Variants in ITPR2 observed in about 807,000 individuals in gnomAD.
The protein encoded by ITPR2 is inositol 1,4,5-trisphosphate-gated calcium channel ITPR2.
ITPR2 carries 207 observed loss-of-function variants against 317.1 expected under a neutral mutation model. The observed-to-expected ratio is 0.65, with a 90% CI of 0.58 to 0.73. ITPR2 has a LOEUF of 0.73. Among genes scored for constraint, ITPR2 ranks in the 30% least tolerant of loss-of-function variants. The pLI is 0.00. For synonymous variants in ITPR2, 1,156 were observed against 1,149.1 expected, an observed-to-expected ratio of 1.01 and a Z score of -0.12; for missense variants, 2,613 against 3,284.0, an observed-to-expected ratio of 0.80 and a Z score of 4.99.
At chr12:26,670,017 G>T (rs1040624923) in intron 13 of ITPR2, among the ~76,000 whole-genome samples, 14 of 152,358 alleles carry the variant, frequency 9.2e-5, no homozygotes, top group South Asian at 4.1e-4. Flanking sequence ...CCATTGCCCA[G>T]GCTTGCTTAG....
intron 37 of ITPR2, among the ~76,000 whole-genome samples, chr12:26,497,155 C>CTTT (rs573079284): frequency 1.9e-4 from 26 of 134,420 alleles, no homozygotes; most frequent in South Asian, 9.7e-4. Context: ...ATTTCTCTCT[C>CTTT]TTTTTTTTTT....
At chr12:26,693,410 A>G (rs1274934675) in intron 10 of ITPR2, among the ~76,000 whole-genome samples, 2 of 152,202 alleles carry the variant, frequency 1.3e-5, no homozygotes, top group African/African-American at 4.8e-5. Context: ...TAGAACCTCC[A>G]TACCCTATGT....
intron 55 of ITPR2, among the ~76,000 whole-genome samples, chr12:26,351,853 C>T (rs1938493881): frequency 6.6e-6 from 1 of 152,202 alleles, no homozygotes; most frequent in Non-Finnish European, 1.5e-5. Flanking sequence ...TCTGAGTTAT[C>T]ATCTCCTGTC....
chr12:26,404,145 A>G (rs539910098), intron 52 of ITPR2, among the ~76,000 whole-genome samples: 1 of 152,326 alleles, frequency 6.6e-6, no homozygotes, highest in African/African-American at 2.4e-5. Context: ...ATGAGCCTCA[A>G]CCAGGGTAAT....
At chr12:26,406,559 T>C (rs1298183049) in intron 52 of ITPR2, 1 of 150,238 alleles carries the variant, frequency 6.7e-6, no homozygotes, top group African/African-American at 2.4e-5. Flanking sequence ...CTCTGCCTCC[T>C]AGTCACCGTG....
chr12:26,523,917 G>A (rs747590947), intron 37 of ITPR2, among the ~76,000 whole-genome samples: 14 of 152,204 alleles, frequency 9.2e-5, no homozygotes, highest in South Asian at 2.1e-4. Context: ...TGGCAGAGCC[G>A]CCTCAGTGGC....
chr12:26,526,669 G>A (rs1943815708), intron 37 of ITPR2, among the ~76,000 whole-genome samples: 1 of 152,178 alleles, frequency 6.6e-6, no homozygotes, highest in African/African-American at 2.4e-5. Flanking sequence ...TGAAAGCAGG[G>A]AGAAGAGTTA....
intron 2 of ITPR2, among the ~76,000 whole-genome samples, chr12:26,728,853 CACTAAGATGAAGAGATG>C (rs1321967505): frequency 2.0e-5 from 3 of 152,180 alleles, no homozygotes; most frequent in African/African-American, 7.2e-5. Flanking sequence ...GCAATAGCCT[CACTAAGATGAAGAGATG>C]ACTAAATCCT....
chr12:26,515,946 C>CA (rs34382778), intron 37 of ITPR2, among the ~76,000 whole-genome samples: 37,300 of 140,788 alleles, frequency 0.26, 5,006 homozygotes, highest in Non-Finnish European at 0.3. Context: ...TCCATCTCTA[C>CA]AAAAAAAAAA....
intron 37 of ITPR2, among the ~76,000 whole-genome samples, chr12:26,502,160 C>A (rs1460223938): frequency 6.6e-6 from 1 of 152,134 alleles, no homozygotes; most frequent in Non-Finnish European, 1.5e-5. Context: ...TATTTGAATT[C>A]CAGGAAGCAT....
At position 26,476,991 on chromosome 12, in the gene ITPR2, AG is replaced by A. The variant is rs1213359576; in HGVS notation, c.6139del (p.Leu2047PhefsTer22). ...TCTGCTTTCCATAATGGCCAGCAAA[AG>A]TTTAGATGCATTGTTCTAGAGACAC... ...VLQLKNNASKLLLAIMESRHD... is the reference protein window; with the variant it reads ...VLQLKNNASKXLLAIMESRHD... On this transcript the variant is annotated frameshift_variant, in exon 44 of 57. Transcript: ENST00000381340. LOFTEE classifies it high-confidence loss of function. 1 of 1,611,168 alleles carries A rather than the reference AG, an allele frequency of 6.2e-7. No homozygotes were observed. Among genetic ancestry groups the A allele is most frequent in the Non-Finnish European group, 8.5e-7 (1 of 1,177,542 alleles).
intron 2 of ITPR2, among the ~76,000 whole-genome samples, chr12:26,755,660 G>A (rs1180453753): frequency 1.3e-5 from 2 of 152,190 alleles, no homozygotes; most frequent in Non-Finnish European, 2.9e-5. Context: ...ATAGTTACTT[G>A]CATAAGTGCA....
chr12:26,757,458 C>T (rs530097424), intron 2 of ITPR2, among the ~76,000 whole-genome samples: 32 of 152,234 alleles, frequency 2.1e-4, no homozygotes, highest in African/African-American at 6.3e-4. Flanking sequence ...TCAGGGGATC[C>T]GCCCTCCTTG....
intron 49 of ITPR2, among the ~76,000 whole-genome samples, chr12:26,426,811 C>T (rs1201524531): frequency 6.6e-6 from 1 of 150,892 alleles, no homozygotes; most frequent in Non-Finnish European, 1.5e-5. Context: ...TTTATTAATT[C>T]ATTTTAATAA....
intron 39 of ITPR2, among the ~76,000 whole-genome samples, chr12:26,490,278 A>G (rs932993387): frequency 2.2e-4 from 33 of 152,232 alleles, no homozygotes; most frequent in Admixed American, 2.0e-3. Context: ...AAACAAGTGC[A>G]TGGAAGCTGA....
At chr12:26,688,611 C>G (rs561946971) in intron 10 of ITPR2, among the ~76,000 whole-genome samples, 1 of 151,992 alleles carries the variant, frequency 6.6e-6, no homozygotes, top group African/African-American at 2.4e-5. Flanking sequence ...GAATAGAGAA[C>G]AAGAGGGGAG....
intron 5 of ITPR2, among the ~76,000 whole-genome samples, chr12:26,717,785 A>C (rs1446434755): frequency 1.3e-5 from 2 of 152,224 alleles, no homozygotes; most frequent in Non-Finnish European, 2.9e-5. Flanking sequence ...TTTTCACAAT[A>C]TATCTTTACA....
rs573619492 is a variant in ITPR2 at position 26,424,868 on chromosome 12, T to C, written c.6945+3045A>G. 9.5e-4 allele frequency among the ~76,000 whole-genome samples: 145 copies of C among 152,248 alleles called. 3 individuals are homozygous for C. In the Middle Eastern group the frequency reaches 0.027, roughly 29 times the overall value. ...TCTACCTCCTGGGTTCAAGCGATTCTCTGGCCTCAGCCTCTGGAGTAGCTG... is the reference window on the plus strand; with the variant it reads ...TCTACCTCCTGGGTTCAAGCGATTCCCTGGCCTCAGCCTCTGGAGTAGCTG... On this transcript the variant is annotated intron_variant, in intron 49 of 56. Transcript: ENST00000381340.
chr12:26,571,963 T>C (rs1270846332), intron 34 of ITPR2, among the ~76,000 whole-genome samples: 1 of 152,248 alleles, frequency 6.6e-6, no homozygotes, highest in Non-Finnish European at 1.5e-5. Context: ...AAATGTTATA[T>C]AAATATGACT....
Sources: gnomAD v4.1 joint callset for allele counts (sites outside exome capture counted in the v4.1 genomes callset) on GRCh38, gnomAD v4.1.1 for gene constraint, MANE v1.5 for transcripts, NCBI Gene and HGNC (gene_info 2026-07-23, HGNC 2026-07-21) for gene names.